PXDN: variants seen among roughly 807,000 people sequenced by gnomAD.
The protein encoded by PXDN is peroxidasin, also known as peroxidasin homolog.
PXDN carries 77 observed loss-of-function variants against 140.3 expected under a neutral mutation model. That is an observed-to-expected ratio of 0.55 (90% CI 0.46 to 0.66). PXDN has a LOEUF of 0.66. PXDN is among the 30% of genes least tolerant of loss of function. The pLI is 0.00. For synonymous variants in PXDN, 911 were observed against 857.4 expected, an observed-to-expected ratio of 1.06 and a Z score of -1.09; for missense variants, 1,838 against 2,039.5, an observed-to-expected ratio of 0.90 and a Z score of 1.90.
chr2:1,723,950 A>G (rs888307442), intron 1 of PXDN, among the ~76,000 whole-genome samples: 24 of 152,240 alleles, frequency 1.6e-4, no homozygotes, highest in African/African-American at 5.5e-4. Flanking sequence ...TCTGCTGGTT[A>G]TAGATTTTTA....
intron 16 of PXDN, among the ~76,000 whole-genome samples, chr2:1,652,921 C>T (rs1683046599): frequency 7.5e-6 from 1 of 133,810 alleles, no homozygotes; most frequent in Non-Finnish European, 1.6e-5. Context: ...TTACATTCTC[C>T]TCCGTGCTCT....
chr2:1,676,537 A>G, intron 8 of PXDN: 1 of 248,240 alleles, frequency 4.0e-6, no homozygotes, highest in Non-Finnish European at 8.0e-6. Flanking sequence ...GCACCCACTC[A>G]GGTTGGTCAC....
intron 6 of PXDN, among the ~76,000 whole-genome samples, chr2:1,682,703 C>G (rs902799118): frequency 3.3e-5 from 5 of 151,922 alleles, no homozygotes; most frequent in African/African-American, 1.2e-4. Flanking sequence ...AGTTTGGGAG[C>G]CCAAGAAGGG....
At chr2:1,679,804 ATGG>A (rs1683835142) in intron 7 of PXDN, among the ~76,000 whole-genome samples, 1 of 132,754 alleles carries the variant, frequency 7.5e-6, no homozygotes, top group African/African-American at 3.0e-5. Context: ...GTGTGTGTAA[ATGG>A]TGTGTGTGTA....
At chr2:1,684,855 T>G (rs1282743937) in intron 4 of PXDN, among the ~76,000 whole-genome samples, 1 of 152,248 alleles carries the variant, frequency 6.6e-6, no homozygotes, top group Non-Finnish European at 1.5e-5. Flanking sequence ...AGTGGGTTTT[T>G]TCCTCTTAAG....
At chr2:1,727,634 C>G (rs991049533) in intron 1 of PXDN, among the ~76,000 whole-genome samples, 2 of 152,132 alleles carry the variant, frequency 1.3e-5, no homozygotes, top group Admixed American at 1.3e-4. Context: ...TCCCATCCCT[C>G]TCAAGAACAG....
At chr2:1,708,149 G>A (rs377343837) in intron 1 of PXDN, among the ~76,000 whole-genome samples, 55 of 152,332 alleles carry the variant, frequency 3.6e-4, no homozygotes, top group African/African-American at 1.1e-3. Flanking sequence ...GGCCTTGCTG[G>A]AGCTGAGATC....
rs779120645 is a variant in PXDN at position 1,648,281 on chromosome 2, T to C, written c.3499A>G (p.Ile1167Val). The stretch of plus-strand genomic sequence containing the variant: ...ACCCTGTAGTCGTGGTAGGGTGGGA[T>C]CCCGTGGTCCCGGCCCCGCTGGATG... ...INIQRGRDHGIPPYHDYRVYC... is the reference protein window; with the variant it reads ...INIQRGRDHGVPPYHDYRVYC... Residue 1167 changes from isoleucine to valine, a missense_variant, in exon 17 of 23, where the codon ATC becomes GTC. Ile to Val is a conservative substitution (Grantham distance 29). Transcript: ENST00000252804. The surrounding 1 kb of genome is among the most constrained non-coding windows in gnomAD (Gnocchi z 8.9). 1.2e-6 allele frequency: 2 copies of C among 1,613,738 alleles called. No homozygotes were observed. Among genetic ancestry groups the C allele is most frequent in the Non-Finnish European group, 1.7e-6 (2 of 1,179,860 alleles).
intron 7 of PXDN, among the ~76,000 whole-genome samples, chr2:1,677,591 T>A (rs1289800496): frequency 2.0e-5 from 3 of 152,028 alleles, no homozygotes; most frequent in South Asian, 2.1e-4. Context: ...TGCCCGTGAC[T>A]CCACATGGCT....
intron 1 of PXDN, among the ~76,000 whole-genome samples, chr2:1,712,731 C>CT (rs556573999): frequency 3.0e-4 from 46 of 151,572 alleles, no homozygotes; most frequent in East Asian, 3.9e-4. Context: ...TTTTAGATTT[C>CT]TTTTTTTTTG....
At chr2:1,693,201 GCT>G in intron 1 of PXDN, 67 bp from the exon 2 acceptor site, 1 of 1,292,136 alleles carries the variant, frequency 7.7e-7, no homozygotes, top group Non-Finnish European at 1.1e-6. Context: ...CACATTTGCT[GCT>G]CTTAGTTTCA....
chr2:1,650,505 A>G (rs2125412969), intron 16 of PXDN, among the ~76,000 whole-genome samples: 1 of 152,222 alleles, frequency 6.6e-6, no homozygotes, highest in Non-Finnish European at 1.5e-5. Context: ...CTAAGTTCAG[A>G]TCCTAGTCTT....
rs1682466730 is a variant in PXDN at position 1,633,464 on chromosome 2, A to T, written c.*740T>A. 1 of 152,044 alleles carries T rather than the reference A, an allele frequency of 6.6e-6. No individual in the cohort carries two copies. Among genetic ancestry groups the T allele is most frequent in the Non-Finnish European group, 1.5e-5 (1 of 68,018 alleles). 9.4% of individuals were successfully genotyped at this position (152,044 alleles called of 1,614,324 possible). ...AATGTGGCTTATGAATGTTCTAATCAGGTGTGGAAGGAGCTGACACACGGA... is the reference window on the plus strand; with the variant it reads ...AATGTGGCTTATGAATGTTCTAATCTGGTGTGGAAGGAGCTGACACACGGA... On this transcript the variant is annotated 3_prime_UTR_variant, in exon 23 of 23. Transcript: ENST00000252804.
rs1273174186 is a variant in PXDN, at chr2:1,687,886, C to G, written c.345-183G>C. Reference sequence around the variant, plus strand: ...CAAGGGCTTCCCTTCCCTCAGATCTCAAGGGGGCTAAAAGCAACCGGTGCC... The same window carrying G: ...CAAGGGCTTCCCTTCCCTCAGATCTGAAGGGGGCTAAAAGCAACCGGTGCC... On this transcript the variant is annotated intron_variant, in intron 3 of 22. Transcript: ENST00000252804. This position sits in a 1 kb window ranked among gnomAD's most constrained non-coding sequence, Gnocchi z 4.0. Among the ~76,000 whole-genome samples the G allele has an allele frequency of 6.6e-6, 1 of 152,156 alleles. No individual in the cohort carries two copies. Among genetic ancestry groups the G allele is most frequent in the African/African-American group, 2.4e-5 (1 of 41,440 alleles).
chr2:1,657,858 G>A (rs1027142647), intron 14 of PXDN, among the ~76,000 whole-genome samples: 4 of 142,958 alleles, frequency 2.8e-5, no homozygotes, highest in Non-Finnish European at 5.9e-5. Context: ...GCCCTCTCCT[G>A]ACAAGGACGT....
intron 1 of PXDN, among the ~76,000 whole-genome samples, chr2:1,733,896 A>G (rs1436523983): frequency 1.3e-5 from 2 of 152,226 alleles, no homozygotes; most frequent in Admixed American, 1.3e-4. Flanking sequence ...ATAGAGCTGC[A>G]CTATAAGACA....
At chr2:1,728,880 C>T (rs773380973) in intron 1 of PXDN, among the ~76,000 whole-genome samples, 1 of 152,224 alleles carries the variant, frequency 6.6e-6, no homozygotes, top group Non-Finnish European at 1.5e-5. Context: ...TATAGCCCTG[C>T]GAGTCCTCTA....
chr2:1,648,891 C>A lies in PXDN; in HGVS notation c.2889G>T (p.Glu963Asp). 6.2e-7 allele frequency: 1 copy of A among 1,601,938 alleles called. No homozygotes were observed. The highest frequency in any genetic ancestry group is 8.5e-7 in the Non-Finnish European group (1 of 1,176,980). Residue 963 changes from glutamate (E) to aspartate (D), a missense_variant, in exon 17 of 23, where the codon GAG becomes GAT. By Grantham distance (45) the Glu-to-Asp change is conservative (BLOSUM62 2). This residue lies in a region of PXDN where 850 missense variants were observed against 894.1 expected (regional missense o/e 0.95). Transcript: ENST00000252804. This position sits in a 1 kb window ranked among gnomAD's most constrained non-coding sequence, Gnocchi z 8.9. ...TGPPTECMRDENESPIPCFLA... is the reference protein window; with the variant it reads ...TGPPTECMRDDNESPIPCFLA... ...GGAAGCAGGGGATGGGGCTCTCGTT[C>A]TCGTCCCGCATGCACTCCGTGGGCG...
chr2:1,677,024 C>G lies in PXDN; in HGVS notation c.751G>C (p.Glu251Gln). The change falls in exon 8 of 23, where the codon GAG (glutamate) becomes CAG (glutamine). Residue 251 changes from glutamate (E) to glutamine (Q), a missense_variant. Physicochemically the swap from Glu to Gln is conservative, Grantham distance 29. Coordinates refer to ENST00000252804, the MANE Select transcript of PXDN (RefSeq NM_012293.3). ...GAGGTCACATCTGCGTCCTGGGGCT[C>G]GGAGGTGATCCGGGGCCTTTCTGTG... ...LNCERPRITS[E>Q]PQDADVTSGN... is the part of the protein sequence containing the mutation. The G allele has an allele frequency of 6.2e-7, 1 of 1,607,224 alleles. No homozygotes were observed. Among genetic ancestry groups the G allele is most frequent in the South Asian group, 1.1e-5 (1 of 90,010 alleles).
Sources: gnomAD v4.1 joint callset for allele counts (sites outside exome capture counted in the v4.1 genomes callset) on GRCh38, gnomAD v4.1.1 for gene constraint, gnomAD v4.1.1 regional missense constraint, Gnocchi (gnomAD v3.1) non-coding constraint, MANE v1.5 for transcripts, NCBI Gene and HGNC (gene_info 2026-07-23, HGNC 2026-07-21) for gene names.